Variants in RNLS observed in about 807,000 individuals in gnomAD.
The protein encoded by RNLS is renalase.
A neutral mutation model predicts 39.8 loss-of-function variants in RNLS; 39 were observed. That is an observed-to-expected ratio of 0.98 (90% confidence interval 0.76 to 1.28). The LOEUF is 1.28. RNLS is among the 50% of genes most tolerant of loss of function. The pLI is 0.00. For missense variants in RNLS, 410 were observed against 413.3 expected (o/e 0.99, Z 0.07); for synonymous variants, 147 against 150.7 (o/e 0.98, Z 0.18).
intron 4 of RNLS, among the ~76,000 whole-genome samples, chr10:88,365,118 C>G (rs537398026): frequency 6.6e-6 from 1 of 151,978 alleles, no homozygotes; most frequent in Non-Finnish European, 1.5e-5. Flanking sequence ...TATATAGAAA[C>G]AGCAATTAAC....
the RNLS span, among the ~76,000 whole-genome samples, chr10:88,225,345 T>C: frequency 6.6e-6 from 1 of 152,214 alleles, no homozygotes; most frequent in Non-Finnish European, 1.5e-5. Context: ...AGCTAGCAAA[T>C]GGAAGAAATT....
chr10:88,382,870 A>G (rs961270912), intron 4 of RNLS, among the ~76,000 whole-genome samples: 3 of 152,140 alleles, frequency 2.0e-5, no homozygotes, highest in African/African-American at 7.2e-5. Context: ...AAAAAAACTG[A>G]GAGAACACAA....
At chr10:88,294,179 C>A (rs377067546) in intron 6 of RNLS, among the ~76,000 whole-genome samples, 4 of 152,110 alleles carry the variant, frequency 2.6e-5, no homozygotes, top group African/African-American at 7.2e-5. Flanking sequence ...CCTAATCTTA[C>A]CATATTCCCA....
the RNLS span, among the ~76,000 whole-genome samples, chr10:88,223,003 A>G: frequency 3.3e-5 from 5 of 152,250 alleles, no homozygotes; most frequent in Non-Finnish European, 7.3e-5. Flanking sequence ...TGTGTCCTCA[A>G]ACAAACCTGT....
the RNLS span, among the ~76,000 whole-genome samples, chr10:88,184,642 A>G: frequency 6.6e-6 from 1 of 152,170 alleles, no homozygotes; most frequent in East Asian, 1.9e-4. Flanking sequence ...CATCTTTTGC[A>G]TAAATAAATA....
At chr10:88,408,669 T>C (rs1332064035) in intron 4 of RNLS, among the ~76,000 whole-genome samples, 1 of 152,124 alleles carries the variant, frequency 6.6e-6, no homozygotes, top group Admixed American at 6.6e-5. Context: ...ATGCAATTTA[T>C]TTATTTGGAA....
chr10:88,568,306 C>CAGGGATGGGGATGG (rs1396018653), intron 4 of RNLS, among the ~76,000 whole-genome samples: 1 of 151,336 alleles, frequency 6.6e-6, no homozygotes, highest in East Asian at 1.9e-4. Flanking sequence ...GGGCTGGGGG[C>CAGGGATGGGGATGG]AGGGATGGGG....
At chr10:88,254,645 A>G in the RNLS span, among the ~76,000 whole-genome samples, 3 of 152,240 alleles carry the variant, frequency 2.0e-5, no homozygotes, top group Non-Finnish European at 4.4e-5. Flanking sequence ...AGTCCAAACT[A>G]ATTATAAGAA....
At chr10:88,536,035 T>C (rs924885812) in intron 4 of RNLS, among the ~76,000 whole-genome samples, 2 of 152,134 alleles carry the variant, frequency 1.3e-5, no homozygotes, top group Non-Finnish European at 2.9e-5. Flanking sequence ...ATAAGGAGCA[T>C]GGACTTTCCA....
intron 4 of RNLS, among the ~76,000 whole-genome samples, chr10:88,516,816 C>T (rs1191915339): frequency 6.6e-6 from 1 of 151,964 alleles, no homozygotes; most frequent in Non-Finnish European, 1.5e-5. Context: ...CTGTTGACAG[C>T]TGTATTTTTG....
At chr10:88,371,223 A>C (rs1850533608) in intron 4 of RNLS, among the ~76,000 whole-genome samples, 1 of 152,122 alleles carries the variant, frequency 6.6e-6, no homozygotes, top group Non-Finnish European at 1.5e-5. Context: ...TTAACACAAT[A>C]CCTAGCACAT....
chr10:88,434,962 T>C (rs1228321294), intron 4 of RNLS, among the ~76,000 whole-genome samples: 1 of 151,850 alleles, frequency 6.6e-6, no homozygotes, highest in Admixed American at 6.6e-5. Flanking sequence ...AGATTTTGAA[T>C]CATTAGTGAA....
intron 4 of RNLS, among the ~76,000 whole-genome samples, chr10:88,478,957 G>GT (rs1394464635): frequency 6.6e-6 from 1 of 150,516 alleles, no homozygotes; most frequent in Non-Finnish European, 1.5e-5. Context: ...AGGAGCCCAA[G>GT]TACCTGGGTT....
At chr10:88,309,467 C>A in intron 6 of RNLS, 2 of 1,289,648 alleles carry the variant, frequency 1.6e-6, no homozygotes, top group Non-Finnish European at 2.0e-6. Context: ...CTTCCCCCAC[C>A]AAACAAAATC....
chr10:88,262,184 A>T, the RNLS span, among the ~76,000 whole-genome samples: 1 of 152,106 alleles, frequency 6.6e-6, no homozygotes, highest in African/African-American at 2.4e-5. Flanking sequence ...TATGCCATAG[A>T]CAGGAATTTT....
intron 4 of RNLS, among the ~76,000 whole-genome samples, chr10:88,510,291 G>A (rs887416625): frequency 3.3e-5 from 5 of 152,092 alleles, no homozygotes; most frequent in African/African-American, 1.2e-4. Flanking sequence ...AAAAAATGAG[G>A]CAGATAATTC....
chr10:88,246,180 G>C, the RNLS span, among the ~76,000 whole-genome samples: 1 of 152,314 alleles, frequency 6.6e-6, no homozygotes, highest in Non-Finnish European at 1.5e-5. Context: ...ATCAGAGTCA[G>C]AACCTGGATT....
chr10:88,470,550 T>G (rs1038143716), intron 4 of RNLS, among the ~76,000 whole-genome samples: 2 of 152,146 alleles, frequency 1.3e-5, no homozygotes, highest in African/African-American at 4.8e-5. Context: ...CCTATGCAAA[T>G]GTACATATAC....
chr10:88,228,249 CT>C, the RNLS span, among the ~76,000 whole-genome samples: 1 of 152,156 alleles, frequency 6.6e-6, no homozygotes, highest in Non-Finnish European at 1.5e-5. Flanking sequence ...AAGTTTATTT[CT>C]TGTACATGCA....
Sources: allele counts gnomAD v4.1 joint callset (sites outside exome capture counted in the v4.1 genomes callset), GRCh38; gene constraint gnomAD v4.1.1; transcripts MANE v1.5; gene names NCBI Gene and HGNC (gene_info 2026-07-23, HGNC 2026-07-21).